Variants in PKHD1 observed in about 807,000 individuals in gnomAD.
PKHD1 encodes the protein fibrocystin.
In PKHD1, 291 loss-of-function variants were observed where a neutral mutation model predicts 412.0. That is an observed-to-expected ratio of 0.71 (90% CI 0.64 to 0.78). PKHD1 has a LOEUF of 0.78. Ranked by LOEUF, PKHD1 falls within the 30% of genes least tolerant of loss-of-function variation. PKHD1 has a pLI of 0.00. For missense variants in PKHD1, 4,825 were observed against 4,950.7 expected (o/e 0.97, Z 0.76); for synonymous variants, 1,777 against 1,821.5 (o/e 0.98, Z 0.62).
At chr6:51,996,150 C>T (rs527621860) in intron 35 of PKHD1, among the ~76,000 whole-genome samples, 29 of 149,016 alleles carry the variant, frequency 1.9e-4, no homozygotes, top group African/African-American at 6.4e-4. Context: ...GGACTACAGG[C>T]GCCTGCCACG....
intron 37 of PKHD1, among the ~76,000 whole-genome samples, chr6:51,925,973 T>TA (rs11430320): frequency 0.32 from 44,532 of 140,166 alleles, 7,918 homozygotes; most frequent in East Asian, 0.74. Context: ...CAATGCAGAT[T>TA]AAAAAAAAAA....
At chr6:51,762,009 T>C (rs2151067153) in intron 55 of PKHD1, among the ~76,000 whole-genome samples, 1 of 152,152 alleles carries the variant, frequency 6.6e-6, no homozygotes, top group East Asian at 1.9e-4. Flanking sequence ...AGGAGTCATG[T>C]CACTTCTGTC....
chr6:51,762,663 A>ATTT (rs537286606), intron 55 of PKHD1, among the ~76,000 whole-genome samples: 47 of 150,778 alleles, frequency 3.1e-4, no homozygotes, highest in East Asian at 1.4e-3. Flanking sequence ...ATATATATAT[A>ATTT]TATTTTCAGG....
chr6:51,911,706 TA>T, intron 39 of PKHD1, 92 bp downstream of exon 39: 1 of 1,134,826 alleles, frequency 8.8e-7, no homozygotes, highest in Non-Finnish European at 1.3e-6. Context: ...TATTCTATTT[TA>T]AAAGAGGTCA....
intron 66 of PKHD1, among the ~76,000 whole-genome samples, chr6:51,626,122 A>G (rs1460502132): frequency 6.6e-6 from 1 of 152,166 alleles, no homozygotes; most frequent in East Asian, 1.9e-4. Context: ...GCACACACAC[A>G]CACACCCACA....
chr6:51,641,535 A>G (rs1474977947), intron 63 of PKHD1, among the ~76,000 whole-genome samples: 1 of 152,214 alleles, frequency 6.6e-6, no homozygotes, highest in Admixed American at 6.5e-5. Context: ...CAGCAATCCC[A>G]TTACTGGGTA....
rs750127797 is a variant in PKHD1 at position 51,775,804 on chromosome 6, T to C, written c.8554+4A>G. 18 of 1,308,154 alleles carry C rather than the reference T, an allele frequency of 1.4e-5. No individual in the cohort carries two copies. Among genetic ancestry groups the C allele is most frequent in the Non-Finnish European group, 1.8e-5 (16 of 903,406 alleles). The allele number at this position is 1,308,154 out of a possible 1,614,324, so 81.0% of individuals were successfully genotyped here. A position where few individuals can be genotyped will look rare whatever the true frequency, so the allele number is the denominator to read the frequency against. On this transcript the variant is annotated splice_donor_region_variant and intron_variant, in intron 54 of 66. Transcript: ENST00000371117. Reference sequence around the variant, plus strand: ...TTTTAATAAAAACTATATTATACTCTTACCAATTGTTCCTGGGTCAATATG... The same window carrying C: ...TTTTAATAAAAACTATATTATACTCCTACCAATTGTTCCTGGGTCAATATG...
intron 3 of PKHD1, among the ~76,000 whole-genome samples, 190 bp downstream of exon 3, chr6:52,082,988 A>G (rs1812265050): frequency 6.6e-6 from 1 of 152,226 alleles, no homozygotes; most frequent in Non-Finnish European, 1.5e-5. Context: ...TTGTCATGGT[A>G]TGCTGTGCTT....
chr6:51,817,943 T>C (rs1047079850), intron 52 of PKHD1, among the ~76,000 whole-genome samples: 1 of 152,190 alleles, frequency 6.6e-6, no homozygotes, highest in Non-Finnish European at 1.5e-5. Flanking sequence ...TACTGCTGCC[T>C]GAAAAATGCA....
At chr6:51,777,180 A>G (rs990612474) in intron 53 of PKHD1, among the ~76,000 whole-genome samples, 8 of 152,136 alleles carry the variant, frequency 5.3e-5, no homozygotes, top group Admixed American at 4.6e-4. Flanking sequence ...TAAACTTACA[A>G]TTGCCTGGTT....
At chr6:51,947,134 G>A (rs1789578447) in intron 36 of PKHD1, among the ~76,000 whole-genome samples, 1 of 152,108 alleles carries the variant, frequency 6.6e-6, no homozygotes, top group African/African-American at 2.4e-5. Flanking sequence ...TCCTCTCAAG[G>A]CCACAGATGG....
intron 63 of PKHD1, among the ~76,000 whole-genome samples, chr6:51,640,346 G>T (rs534970305): frequency 6.6e-6 from 1 of 152,166 alleles, no homozygotes; most frequent in African/African-American, 2.4e-5. Context: ...TTGCTTTTGC[G>T]TTAAATACCA....
intron 53 of PKHD1, 50 bp from the exon 54 acceptor site, chr6:51,775,971 AAG>A (rs759112658): frequency 1.1e-5 from 10 of 882,360 alleles, no homozygotes; most frequent in Non-Finnish European, 1.9e-5. Flanking sequence ...AATTAAAAGA[AAG>A]AGAGGGAGAA....
chr6:51,753,413 G>T, intron 56 of PKHD1, 60 bp from the exon 57 acceptor site: 1 of 1,394,550 alleles, frequency 7.2e-7, no homozygotes, highest in Non-Finnish European at 1.0e-6. Context: ...AAAATCACTA[G>T]CTGGGGACCC....
rs373302238 is a variant in PKHD1, at chr6:52,074,019, A to C, written c.449-478T>G. Among the ~76,000 whole-genome samples, 46 of 152,330 alleles carry C rather than the reference A, an allele frequency of 3.0e-4. 1 individual carries two copies. Among genetic ancestry groups the C allele is most frequent in the South Asian group, 1.4e-3 (7 of 4,832 alleles). On this transcript the variant is annotated intron_variant, in intron 6 of 66. Transcript: ENST00000371117. ...GATATGAAGAGGCTCATATCACACA[A>C]TCTGATGGGTCTTCAGGGATCCCAA... is the stretch of plus-strand genomic sequence containing the variant.
At chr6:51,923,044 C>A (rs117730746) in intron 37 of PKHD1, among the ~76,000 whole-genome samples, 2,692 of 152,264 alleles carry the variant, frequency 0.018, 61 homozygotes, top group African/African-American at 0.048. Context: ...GAGCTATAGA[C>A]TGGAGTTGTT....
At chr6:51,834,696 G>GATTTT (rs1336991662) in intron 51 of PKHD1, among the ~76,000 whole-genome samples, 2 of 152,140 alleles carry the variant, frequency 1.3e-5, no homozygotes, top group African/African-American at 4.8e-5. Context: ...GCAATGTCTT[G>GATTTT]AAAGTATGTT....
chr6:51,982,001 T>C (rs1795399020), intron 35 of PKHD1, among the ~76,000 whole-genome samples: 2 of 65,578 alleles, frequency 3.0e-5, no homozygotes, highest in South Asian at 6.2e-4. Flanking sequence ...GCGCCTCTGC[T>C]GGCCGCAACC....
chr6:51,704,419 C>G (rs1417392333), intron 60 of PKHD1, among the ~76,000 whole-genome samples: 1 of 152,056 alleles, frequency 6.6e-6, no homozygotes, highest in East Asian at 1.9e-4. Flanking sequence ...CAGACACTTA[C>G]ATAATCAGAT....
Sources: gnomAD v4.1 joint callset for allele counts (sites outside exome capture counted in the v4.1 genomes callset) on GRCh38, gnomAD v4.1.1 for gene constraint, MANE v1.5 for transcripts, NCBI Gene and HGNC (gene_info 2026-07-23, HGNC 2026-07-21) for gene names.